The following MAP3K5 variants were observed in gnomAD, a reference collection of about 807,000 sequenced individuals.
The protein encoded by MAP3K5 is mitogen-activated protein kinase kinase kinase 5.
In MAP3K5, 56 loss-of-function variants were observed where a neutral mutation model predicts 158.7. The observed-to-expected ratio is 0.35, with a 90% CI of 0.28 to 0.44. The LOEUF is 0.44. MAP3K5 is among the 20% of genes least tolerant of loss of function. The pLI is 1.00. For synonymous variants in MAP3K5, 579 were observed against 601.7 expected (o/e 0.96, Z 0.55); for missense variants, 1,294 against 1,674.8 (o/e 0.77, Z 3.97).
chr6:136,695,434 C>A (rs887331571), intron 6 of MAP3K5, among the ~76,000 whole-genome samples: 3 of 152,098 alleles, frequency 2.0e-5, no homozygotes, highest in African/African-American at 7.2e-5. Flanking sequence ...CCACCACGCC[C>A]AGCCTGTGAA....
chr6:136,558,668 GA>G (rs980779509), intron 29 of MAP3K5, 131 bp downstream of exon 29: 5 of 569,124 alleles, frequency 8.8e-6, no homozygotes, highest in African/African-American at 1.9e-5. Context: ...AGTTTACTCA[GA>G]GCAGCTAAGA....
intron 25 of MAP3K5, among the ~76,000 whole-genome samples, chr6:136,574,934 C>T (rs967369021): frequency 5.9e-5 from 9 of 151,956 alleles, no homozygotes; most frequent in African/African-American, 1.7e-4. Flanking sequence ...CGTGATCCGC[C>T]CGCCTCGGCC....
rs181244755 is a variant in MAP3K5, at chr6:136,661,155, A to G, written c.1367-1777T>C. ...CATTTTATATTTGATGAGAGTCATG[A>G]TTTTAGCTTTTTGAAAATTATCTGT... On this transcript the variant is annotated intron_variant, in intron 8 of 29. Transcript: ENST00000359015. Among the ~76,000 whole-genome samples, 11 of 152,288 alleles carry G rather than the reference A, an allele frequency of 7.2e-5. No homozygotes were observed. In the East Asian group the frequency reaches 1.9e-3, roughly 27 times the overall value.
intron 1 of MAP3K5, among the ~76,000 whole-genome samples, chr6:136,738,036 A>G (rs574393359): frequency 9.9e-5 from 15 of 152,258 alleles, no homozygotes; most frequent in African/African-American, 3.6e-4. Context: ...ACTACCTAAG[A>G]ATGGACATGT....
chr6:136,597,717 G>C (rs1775694610), intron 21 of MAP3K5, among the ~76,000 whole-genome samples: 1 of 152,178 alleles, frequency 6.6e-6, no homozygotes, highest in African/African-American at 2.4e-5. Flanking sequence ...CTAGTGCCTT[G>C]TGCCTACATT....
intron 1 of MAP3K5, among the ~76,000 whole-genome samples, chr6:136,777,480 T>A (rs1784443625): frequency 6.6e-6 from 1 of 152,160 alleles, no homozygotes; most frequent in Non-Finnish European, 1.5e-5. Context: ...AAACCCGAAT[T>A]TTCCCTGGAT....
chr6:136,746,922 C>T (rs1782987579), intron 1 of MAP3K5, among the ~76,000 whole-genome samples: 1 of 152,196 alleles, frequency 6.6e-6, no homozygotes, highest in African/African-American at 2.4e-5. Flanking sequence ...CTGTCTCTAA[C>T]TTCTACTGAT....
intron 23 of MAP3K5, 28 bp from the exon 24 acceptor site, chr6:136,583,768 A>G (rs1196045981): frequency 1.3e-6 from 2 of 1,599,572 alleles, no homozygotes; most frequent in Admixed American, 1.7e-5. Flanking sequence ...CAATCCTTAC[A>G]TCAACATATG....
rs372260214 is a variant in MAP3K5, at chr6:136,787,126, G to T, written c.448+4584C>A. On this transcript the variant is annotated intron_variant, in intron 1 of 29. Coordinates refer to ENST00000359015, the MANE Select transcript of MAP3K5 (RefSeq NM_005923.4). ...ACCTGTAATCCCAGCTCTTAGGGAGGCAGAGGCAGGAGGATAGCTTGAGCC... is the reference window on the plus strand; with the variant it reads ...ACCTGTAATCCCAGCTCTTAGGGAGTCAGAGGCAGGAGGATAGCTTGAGCC... Among the ~76,000 whole-genome samples, 16 of 152,264 alleles carry T rather than the reference G, an allele frequency of 1.1e-4. No homozygotes were observed. The East Asian group carries it at 3.1e-3, about 29-fold the overall frequency.
chr6:136,660,104 A>G (rs910284607), intron 8 of MAP3K5, among the ~76,000 whole-genome samples: 1 of 152,232 alleles, frequency 6.6e-6, no homozygotes, highest in African/African-American at 2.4e-5. Context: ...TTTTTACAAC[A>G]TGGATTCTTA....
Position 136,557,797 on chromosome 6 carries a change from C to T in MAP3K5, c.4086G>A (p.Leu1362=), listed in dbSNP as rs1035595829. 2 of 1,611,830 alleles carry T rather than the reference C, an allele frequency of 1.2e-6. No homozygotes were observed. Among genetic ancestry groups the T allele is most frequent in the African/African-American group, 2.7e-5 (2 of 74,984 alleles). ...LRLRGGMLCT[L]WKAIIDFRNK... ...TTCGAAAGTCAATGATAGCCTTCCA[C>T]AGTGTGCACAGCATCCCTCCCCTGT... Residue 1362 remains leucine, a synonymous_variant, in exon 30 of 30, where the codon CTG becomes CTA. Coordinates refer to ENST00000359015, the MANE Select transcript of MAP3K5 (RefSeq NM_005923.4).
chr6:136,670,232 T>C (rs1212865841), intron 7 of MAP3K5, among the ~76,000 whole-genome samples: 4 of 151,460 alleles, frequency 2.6e-5, no homozygotes, highest in African/African-American at 9.8e-5. Flanking sequence ...GAATATTTAC[T>C]TTATTTTCAA....
chr6:136,678,721 C>A (rs1375902591), intron 7 of MAP3K5, among the ~76,000 whole-genome samples: 7 of 151,608 alleles, frequency 4.6e-5, no homozygotes. Flanking sequence ...TGAAAGGGGG[C>A]AAATAATTTT....
intron 8 of MAP3K5, among the ~76,000 whole-genome samples, chr6:136,660,939 C>T (rs904219002): frequency 2.0e-5 from 3 of 150,358 alleles, no homozygotes; most frequent in Admixed American, 1.3e-4. Flanking sequence ...CCTGTGGACA[C>T]AAAACAGCTT....
At chr6:136,621,826 C>T (rs1468957469) in intron 15 of MAP3K5, among the ~76,000 whole-genome samples, 1 of 152,204 alleles carries the variant, frequency 6.6e-6, no homozygotes, top group Non-Finnish European at 1.5e-5. Flanking sequence ...GTGGCTCACG[C>T]CTGTAATCCC....
chr6:136,780,220 T>C (rs1241343468), intron 1 of MAP3K5, among the ~76,000 whole-genome samples: 1 of 152,238 alleles, frequency 6.6e-6, no homozygotes. Context: ...TATTACCTTA[T>C]GCAAAACTGA....
chr6:136,689,200 T>C (rs1780281958), intron 7 of MAP3K5, among the ~76,000 whole-genome samples: 1 of 152,198 alleles, frequency 6.6e-6, no homozygotes, highest in Non-Finnish European at 1.5e-5. Flanking sequence ...CTCAGGAGAC[T>C]GAGGCAGGAG....
chr6:136,662,522 CCT>C (rs926837448), intron 8 of MAP3K5, among the ~76,000 whole-genome samples: 2 of 151,062 alleles, frequency 1.3e-5, no homozygotes, highest in African/African-American at 4.9e-5. Flanking sequence ...TCTCTCTCTC[CCT>C]CTCTCTCTTC....
At chr6:136,757,652 A>G (rs1269487868) in intron 1 of MAP3K5, among the ~76,000 whole-genome samples, 1 of 148,616 alleles carries the variant, frequency 6.7e-6, no homozygotes, top group Non-Finnish European at 1.5e-5. Flanking sequence ...CAGTAGCGCA[A>G]TCTTGGCTCA....
Sources: allele counts gnomAD v4.1 joint callset (sites outside exome capture counted in the v4.1 genomes callset), GRCh38; gene constraint gnomAD v4.1.1; transcripts MANE v1.5; gene names NCBI Gene and HGNC (gene_info 2026-07-23, HGNC 2026-07-21).